SESN3: variants seen among roughly 807,000 people sequenced by gnomAD.
The protein encoded by SESN3 is sestrin-3.
SESN3 carries 21 observed loss-of-function variants against 55.3 expected under a neutral mutation model. The observed-to-expected ratio is 0.38, with a 90% CI of 0.27 to 0.55. The LOEUF is 0.55. SESN3 is among the 20% of genes least tolerant of loss of function. SESN3 has a pLI of 0.76. For missense variants in SESN3, 408 were observed against 604.3 expected (o/e 0.68, Z 3.41); for synonymous variants, 181 against 203.1 (o/e 0.89, Z 0.93).
At chr11:95,208,453 G>A (rs1860589963) in intron 1 of SESN3, among the ~76,000 whole-genome samples, 1 of 151,434 alleles carries the variant, frequency 6.6e-6, no homozygotes, top group Non-Finnish European at 1.5e-5. Flanking sequence ...AGAGCTGCAT[G>A]ATCATCAGTG....
At chr11:95,231,343 C>T, upstream of SESN3, 1 of 386,888 alleles carries the variant, frequency 2.6e-6, no homozygotes, top group Non-Finnish European at 4.6e-6. Context: ...GGGAGTCGCG[C>T]CGGCCAATCG....
chr11:95,183,525 C>A (rs635975), intron 6 of SESN3, among the ~76,000 whole-genome samples: 7,549 of 151,688 alleles, frequency 0.05, 447 homozygotes, highest in East Asian at 0.3. Flanking sequence ...TCTTTTAGAT[C>A]AACAGAACTC....
At chr11:95,194,306 C>T (rs1860321128) in intron 1 of SESN3, among the ~76,000 whole-genome samples, 1 of 151,962 alleles carries the variant, frequency 6.6e-6, no homozygotes, top group Admixed American at 6.6e-5. Flanking sequence ...CTTTTTTGGT[C>T]CTTACAATCA....
At chr11:95,200,609 C>G (rs1860443789) in intron 1 of SESN3, among the ~76,000 whole-genome samples, 1 of 152,046 alleles carries the variant, frequency 6.6e-6, no homozygotes, top group South Asian at 2.1e-4. Context: ...CACTGACACT[C>G]CAAAGAGCAC....
rs1859827069 is a variant in SESN3 at position 95,170,374 on chromosome 11, A to T, written c.*2881T>A. The stretch of plus-strand genomic sequence containing the variant: ...GCATACACATCAGTGGACTATGAAG[A>T]CTAATTTTAACATAATAAGCAAAGA... On this transcript the variant is annotated 3_prime_UTR_variant, in exon 10 of 10. Coordinates refer to ENST00000536441, the MANE Select transcript of SESN3 (RefSeq NM_144665.4). 1 of 152,226 alleles carries T rather than the reference A, an allele frequency of 6.6e-6. No homozygotes were observed. The highest frequency in any genetic ancestry group is 1.5e-5 in the Non-Finnish European group (1 of 68,030). 9.4% of individuals were successfully genotyped at this position (152,226 alleles called of 1,614,324 possible). A position where few individuals can be genotyped will look rare whatever the true frequency, so the allele number is the denominator to read the frequency against.
At position 95,171,402 on chromosome 11, in the gene SESN3, T is replaced by G. The variant is rs897506087; in HGVS notation, c.*1853A>C. The G allele has an allele frequency of 2.6e-5, 4 of 152,166 alleles. No individual in the cohort carries two copies. Among genetic ancestry groups the G allele is most frequent in the African/African-American group, 9.6e-5 (4 of 41,454 alleles). 9.4% of individuals were successfully genotyped at this position (152,166 alleles called of 1,614,324 possible). A position where few individuals can be genotyped will look rare whatever the true frequency, so the allele number is the denominator to read the frequency against. On this transcript the variant is annotated 3_prime_UTR_variant, in exon 10 of 10. Coordinates refer to ENST00000536441, the MANE Select transcript of SESN3 (RefSeq NM_144665.4). ...TAATTTTTTCCTCACATGGAAGATTTCAAACAGGATCCTGGAATCCAAAAA... is the reference window on the plus strand; with the variant it reads ...TAATTTTTTCCTCACATGGAAGATTGCAAACAGGATCCTGGAATCCAAAAA...
In SESN3 at chr11:95,166,661, A is replaced by C; in HGVS notation, c.*6594T>G. 6.6e-6 allele frequency: 1 copy of C among 152,198 alleles called. No individual in the cohort carries two copies. The highest frequency in any genetic ancestry group is 1.9e-4 in the East Asian group (1 of 5,190). 9.4% of individuals were successfully genotyped at this position (152,198 alleles called of 1,614,324 possible). A position where few individuals can be genotyped will look rare whatever the true frequency, so the allele number is the denominator to read the frequency against. ...GTTATTTTCAGGCTTAAAGGAGCTA[A>C]TCCAAGTAGCAAGGCCATGTTGCAA... is the stretch of plus-strand genomic sequence containing the variant. On this transcript the variant is annotated 3_prime_UTR_variant, in exon 10 of 10. Transcript: ENST00000536441.
chr11:95,231,725 C>G (rs1861074251), upstream of SESN3: 1 of 152,182 alleles, frequency 6.6e-6, no homozygotes, highest in African/African-American at 2.4e-5. Context: ...TTCTCTCCAC[C>G]AAAATCTAAC....
At chr11:95,174,466 C>T (rs1859916368) in intron 9 of SESN3, among the ~76,000 whole-genome samples, 1 of 152,062 alleles carries the variant, frequency 6.6e-6, no homozygotes, top group African/African-American at 2.4e-5. Flanking sequence ...CACTAAATTA[C>T]CAAGTTTGGG....
intron 1 of SESN3, among the ~76,000 whole-genome samples, chr11:95,196,749 A>AGC (rs1437983254): frequency 6.6e-6 from 1 of 152,232 alleles, no homozygotes; most frequent in African/African-American, 2.4e-5. Context: ...TCTACAGGAC[A>AGC]GCGCAGACAT....
chr11:95,166,925 T>G lies in SESN3; in HGVS notation c.*6330A>C, dbSNP rs975750539. On this transcript the variant is annotated 3_prime_UTR_variant, in exon 10 of 10. Transcript: ENST00000536441. ...GATATATAGTTTGGATCACTTTCCT[T>G]GGTGAACAAGGGTACTATTTAACTC... The G allele has an allele frequency of 6.6e-6, 1 of 152,212 alleles. No homozygotes were observed. Among genetic ancestry groups the G allele is most frequent in the Non-Finnish European group, 1.5e-5 (1 of 68,030 alleles). The allele number at this position is 152,212 out of a possible 1,614,324, so 9.4% of individuals were successfully genotyped here.
intron 1 of SESN3, among the ~76,000 whole-genome samples, chr11:95,201,722 T>A (rs1860463830): frequency 6.6e-6 from 1 of 152,070 alleles, no homozygotes; most frequent in Non-Finnish European, 1.5e-5. Flanking sequence ...ATACTACTAG[T>A]TAGTCCTTTA....
chr11:95,203,330 A>G (rs2134246920), intron 1 of SESN3, among the ~76,000 whole-genome samples: 1 of 152,316 alleles, frequency 6.6e-6, no homozygotes, highest in African/African-American at 2.4e-5. Context: ...GCATTTAGCC[A>G]TATGGAAACC....
intron 1 of SESN3, among the ~76,000 whole-genome samples, chr11:95,217,631 G>A (rs547183853): frequency 3.7e-4 from 52 of 141,236 alleles, no homozygotes; most frequent in African/African-American, 1.3e-3. Context: ...CAGCCTGGGC[G>A]ACAAGAGCCA....
intron 8 of SESN3, 106 bp downstream of exon 8, chr11:95,177,613 T>A (rs1859981775): frequency 3.0e-6 from 2 of 676,082 alleles, no homozygotes; most frequent in Non-Finnish European, 2.4e-6. Context: ...AGTCTACATG[T>A]AATATTTTCT....
At chr11:95,193,257 C>T (rs1194171817) in intron 2 of SESN3, among the ~76,000 whole-genome samples, 200 bp downstream of exon 2, 2 of 152,086 alleles carry the variant, frequency 1.3e-5, no homozygotes, top group African/African-American at 4.8e-5. Flanking sequence ...TTCTACTAGT[C>T]CCTTCTTTTA....
intron 1 of SESN3, among the ~76,000 whole-genome samples, chr11:95,193,883 A>T (rs1021971184): frequency 6.6e-6 from 1 of 152,156 alleles, no homozygotes; most frequent in Non-Finnish European, 1.5e-5. Flanking sequence ...TTGAAAACTA[A>T]ATAAAAGGTT....
chr11:95,227,114 T>G (rs1482772256), intron 1 of SESN3, among the ~76,000 whole-genome samples: 3 of 151,980 alleles, frequency 2.0e-5, no homozygotes, highest in Non-Finnish European at 4.4e-5. Flanking sequence ...CTAAACCATA[T>G]AAAGTTGCTA....
intron 1 of SESN3, among the ~76,000 whole-genome samples, chr11:95,209,834 T>C (rs941230750): frequency 6.7e-6 from 1 of 150,348 alleles, no homozygotes; most frequent in Admixed American, 6.7e-5. Flanking sequence ...CTGGCTAACA[T>C]GGCGAAACCC....
Sources: allele counts gnomAD v4.1 joint callset (sites outside exome capture counted in the v4.1 genomes callset), GRCh38; gene constraint gnomAD v4.1.1; transcripts MANE v1.5; gene names NCBI Gene and HGNC (gene_info 2026-07-23, HGNC 2026-07-21).